Variants in DOCK9 observed in about 807,000 individuals in gnomAD.
DOCK9 encodes the protein dedicator of cytokinesis protein 9.
DOCK9 carries 89 observed loss-of-function variants against 263.3 expected under a neutral mutation model. The ratio of observed to expected loss-of-function variants is 0.34; its 90% confidence interval spans 0.28 to 0.40. The LOEUF is 0.40. DOCK9 is among the 10% of genes least tolerant of loss of function. DOCK9 has a pLI of 1.00. For missense variants in DOCK9, 2,140 were observed against 2,603.4 expected (o/e 0.82, Z 3.87); for synonymous variants, 976 against 973.1 (o/e 1.00, Z -0.06).
In DOCK9 at chr13:98,848,757, C is replaced by A; in HGVS notation, c.4014-118G>T. On this transcript the variant is annotated intron_variant, in intron 36 of 52. Transcript: ENST00000682017. ...CATTATGTCTAGTACCAGCATAAGT[C>A]ACATCCTCATTCATTCAGAATGGTT... 4 of 1,053,902 alleles carry A rather than the reference C, an allele frequency of 3.8e-6. No individual in the cohort carries two copies. In the South Asian group the frequency reaches 6.0e-5, roughly 16 times the overall value. 65.3% of individuals were successfully genotyped at this position (1,053,902 alleles called of 1,614,324 possible). A position where few individuals can be genotyped will look rare whatever the true frequency, so the allele number is the denominator to read the frequency against.
At position 99,072,446 on chromosome 13, in the gene DOCK9, ACT is replaced by A. The variant is rs201416436; in HGVS notation, c.129+13775_129+13776del. Reference sequence around the variant, plus strand: ...TAATATCAAAAGAACTTTAAAAGGCACTCTCTTGTTTGCAAGGTACTTCCTGA... The same window carrying A: ...TAATATCAAAAGAACTTTAAAAGGCACTCTTGTTTGCAAGGTACTTCCTGA... On this transcript the variant is annotated intron_variant, in intron 1 of 32. Transcript: ENST00000427887. Among the ~76,000 whole-genome samples, 246 of 151,714 alleles carry A rather than the reference ACT, an allele frequency of 1.6e-3. 1 individual carries two copies. The highest frequency in any genetic ancestry group is 2.3e-3 in the Non-Finnish European group (154 of 67,894).
intron 1 of DOCK9, among the ~76,000 whole-genome samples, chr13:99,077,740 G>A (rs977636835): frequency 2.0e-5 from 3 of 152,132 alleles, no homozygotes; most frequent in Admixed American, 1.3e-4. Flanking sequence ...CCTGGAGTTC[G>A]GTGCTGCCAT....
rs1288121060 is a variant in DOCK9, at chr13:98,976,331, A to G, written c.126+1453T>C. ...ATTTACCTAAACAAATAGCTAGGAC[A>G]TAAATGGCAAATTTCTTGAGCACTA... On this transcript the variant is annotated intron_variant, in intron 1 of 52. Coordinates refer to ENST00000682017, the MANE Select transcript of DOCK9 (RefSeq NM_001366683.2). Among the ~76,000 whole-genome samples, 2 of 152,236 alleles carry G rather than the reference A, an allele frequency of 1.3e-5. 1 individual carries two copies. Among genetic ancestry groups the G allele is most frequent in the Admixed American group, 1.3e-4 (2 of 15,290 alleles).
intron 32 of DOCK9, among the ~76,000 whole-genome samples, chr13:98,861,240 C>T (rs376765395): frequency 2.6e-5 from 4 of 152,280 alleles, no homozygotes; most frequent in Admixed American, 6.5e-5. Context: ...AAACGCTATA[C>T]ACACGGCTCA....
intron 38 of DOCK9, among the ~76,000 whole-genome samples, chr13:98,839,227 C>A (rs1482337572): frequency 6.6e-6 from 1 of 152,214 alleles, no homozygotes. Flanking sequence ...TGTAACACAT[C>A]TCGCACCATG....
At chr13:98,827,408 T>C (rs973905126) in intron 43 of DOCK9, among the ~76,000 whole-genome samples, 3 of 152,248 alleles carry the variant, frequency 2.0e-5, no homozygotes, top group Admixed American at 6.5e-5. Context: ...GTATCTTAAA[T>C]TGAAAGAAAA....
intron 7 of DOCK9, among the ~76,000 whole-genome samples, chr13:98,917,990 T>C (rs1344545254): frequency 6.6e-6 from 1 of 152,230 alleles, no homozygotes; most frequent in Non-Finnish European, 1.5e-5. Flanking sequence ...TTGACCTCCT[T>C]GGTCCCTGCA....
At chr13:98,947,379 CTT>C (rs2056848609) in intron 2 of DOCK9, among the ~76,000 whole-genome samples, 2 of 149,438 alleles carry the variant, frequency 1.3e-5, no homozygotes, top group Non-Finnish European at 3.0e-5. Flanking sequence ...GAAAAGTAAG[CTT>C]TTCTTTTTAA....
intron 44 of DOCK9, among the ~76,000 whole-genome samples, chr13:98,824,893 A>G (rs978055417): frequency 6.6e-6 from 1 of 152,210 alleles, no homozygotes; most frequent in African/African-American, 2.4e-5. Flanking sequence ...AATATAAGAG[A>G]AATGTATGAT....
rs765732706 is a variant in DOCK9 at position 98,955,406 on chromosome 13, T to G, written c.243+29A>C. The G allele has an allele frequency of 2.1e-6, 3 of 1,463,048 alleles. No individual in the cohort carries two copies. The Admixed American group carries it at 5.9e-5, about 29-fold the overall frequency. The allele number at this position is 1,463,048 out of a possible 1,614,324, so 90.6% of individuals were successfully genotyped here. On this transcript the variant is annotated intron_variant, in intron 2 of 52. Coordinates refer to ENST00000682017, the MANE Select transcript of DOCK9 (RefSeq NM_001366683.2). ...TGCTTGTTAAGATCAAACACGTGGT[T>G]CTACGGATAGAAACATAACGTTACT...
At chr13:98,810,611 T>C (rs527719583) in intron 45 of DOCK9, among the ~76,000 whole-genome samples, 1 of 152,246 alleles carries the variant, frequency 6.6e-6, no homozygotes, top group African/African-American at 2.4e-5. Flanking sequence ...TTGTTCCTAG[T>C]TGTCTTAATA....
intron 2 of DOCK9, among the ~76,000 whole-genome samples, chr13:98,942,529 C>T (rs933847732): frequency 9.9e-5 from 15 of 152,276 alleles, no homozygotes; most frequent in Admixed American, 4.6e-4. Flanking sequence ...TGAGCCACCG[C>T]GCCCAGCTGG....
intron 13 of DOCK9, among the ~76,000 whole-genome samples, chr13:98,899,080 G>A (rs1271914783): frequency 6.8e-6 from 1 of 147,734 alleles, no homozygotes; most frequent in Non-Finnish European, 1.5e-5. Flanking sequence ...TTACTGAAGG[G>A]TCTTTTACAT....
At chr13:98,905,205 G>C (rs903348295) in intron 9 of DOCK9, among the ~76,000 whole-genome samples, 1 of 152,124 alleles carries the variant, frequency 6.6e-6, no homozygotes. Context: ...ATGAGATAGA[G>C]AAAATGATGG....
rs1451956180 is a variant in DOCK9, at chr13:99,071,989, AGC to A, written c.129+14232_129+14233del. 4.6e-5 allele frequency among the ~76,000 whole-genome samples: 7 copies of A among 152,326 alleles called. No homozygotes were observed. In the East Asian group the frequency reaches 1.4e-3, roughly 29 times the overall value. ...TAATTGCTCTGGTGTGGTGTCTATT[AGC>A]GCTTGAATTTCTCCAAGGTCTTTAT... On this transcript the variant is annotated intron_variant, in intron 1 of 32. Transcript: ENST00000427887.
At chr13:98,909,283 C>T (rs1336513537) in intron 9 of DOCK9, among the ~76,000 whole-genome samples, 2 of 152,194 alleles carry the variant, frequency 1.3e-5, no homozygotes, top group Admixed American at 6.5e-5. Flanking sequence ...ACTAATGACA[C>T]ACCCTGACAA....
chr13:98,809,559 G>C, intron 46 of DOCK9, 94 bp from the exon 47 acceptor site: 1 of 1,013,078 alleles, frequency 9.9e-7, no homozygotes, highest in East Asian at 2.5e-5. Context: ...AAAAGTCCTT[G>C]AACTTGAATA....
chr13:98,889,368 C>G (rs1232267646), intron 15 of DOCK9, among the ~76,000 whole-genome samples: 1 of 152,166 alleles, frequency 6.6e-6, no homozygotes, highest in African/African-American at 2.4e-5. Context: ...GCAAACACCA[C>G]CTGTTCTCCA....
intron 39 of DOCK9, among the ~76,000 whole-genome samples, chr13:98,833,305 T>C (rs2092842831): frequency 6.6e-6 from 1 of 152,186 alleles, no homozygotes; most frequent in Admixed American, 6.5e-5. Context: ...AAGCCTTGCT[T>C]TCCTCCAATG....
Sources: allele counts gnomAD v4.1 joint callset (sites outside exome capture counted in the v4.1 genomes callset), GRCh38; gene constraint gnomAD v4.1.1; transcripts MANE v1.5; gene names NCBI Gene and HGNC (gene_info 2026-07-23, HGNC 2026-07-21).